The following SEMA6A variants were observed in gnomAD, a reference collection of about 807,000 sequenced individuals.
The protein encoded by SEMA6A is semaphorin-6A.
In SEMA6A, 25 loss-of-function variants were observed where a neutral mutation model predicts 96.8. That is an observed-to-expected ratio of 0.26 (90% CI 0.19 to 0.36). The LOEUF (loss-of-function observed/expected upper bound fraction) is 0.36. SEMA6A is among the 10% of genes least tolerant of loss of function. The pLI is 1.00. For synonymous variants in SEMA6A, 612 were observed against 518.0 expected, an observed-to-expected ratio of 1.18 and a Z score of -2.46; for missense variants, 1,363 against 1,323.1, an observed-to-expected ratio of 1.03 and a Z score of -0.47.
At position 116,478,628 on chromosome 5, in the gene SEMA6A, G is replaced by C; in HGVS notation, c.1341C>G (p.Ile447Met). ...TTCCTATTCTGGCCAAAAACTTCAA[G>C]ATGATTCCCTTCTCTGATCCCAGAA... Reference protein sequence around the residue: ...VVFLGSEKGIILKFLARIGNS... With the variant: ...VVFLGSEKGIMLKFLARIGNS... The change falls in exon 13 of 19, where the codon ATC (isoleucine) becomes ATG (methionine). Residue 447 changes from isoleucine (I) to methionine (M), a missense_variant. By Grantham distance (10) the Ile-to-Met change is conservative. Transcript: ENST00000343348. 1 of 1,613,606 alleles carries C rather than the reference G, an allele frequency of 6.2e-7. No individual in the cohort carries two copies. The highest frequency in any genetic ancestry group is 1.3e-5 in the African/African-American group (1 of 75,008).
chr5:116,542,856 G>T (rs1443106943), intron 1 of SEMA6A, among the ~76,000 whole-genome samples: 3 of 152,132 alleles, frequency 2.0e-5, no homozygotes, highest in Non-Finnish European at 4.4e-5. Flanking sequence ...CACTTCCCCG[G>T]CCTGGCAATC....
chr5:116,496,391 G>A, intron 4 of SEMA6A, 78 bp from the exon 5 acceptor site: 2 of 1,193,704 alleles, frequency 1.7e-6, no homozygotes, highest in East Asian at 2.4e-5. Flanking sequence ...TTCCCTTGGG[G>A]AGACTAAAGG....
At position 116,447,557 on chromosome 5, in the gene SEMA6A, G is replaced by C. The variant is rs367845573; in HGVS notation, c.2149C>G (p.Pro717Ala). Residue 717 changes from proline (P) to alanine (A), a missense_variant, in exon 19 of 19, where the codon CCA (proline) becomes GCA (alanine). Around this residue, in one of 2 missense-constraint regions of SEMA6A, gnomAD observed 883 missense variants for 763.6 expected, o/e 1.16. Transcript: ENST00000343348. ...GGCGTGAGGATGGCCTCCGGCTTTG[G>C]GTCTTTGGATTGAGTGTCCCCAAAG... ...GLFGDTQSKD[P>A]KPEAILTPLM... 4 of 1,613,942 alleles carry C rather than the reference G, an allele frequency of 2.5e-6. No individual in the cohort carries two copies. The African/African-American group carries it at 5.3e-5, about 22-fold the overall frequency.
intron 18 of SEMA6A, among the ~76,000 whole-genome samples, chr5:116,466,572 T>C (rs1038814832): frequency 2.0e-5 from 3 of 151,982 alleles, no homozygotes; most frequent in Admixed American, 1.3e-4. Flanking sequence ...CAGATGAAAA[T>C]GTAGCCTGAG....
At chr5:116,498,811 A>G (rs1156815513) in intron 3 of SEMA6A, 2 of 152,194 alleles carry the variant, frequency 1.3e-5, no homozygotes, top group East Asian at 3.8e-4. Context: ...CAGGTTTGAG[A>G]TGACTCGAGG....
intron 18 of SEMA6A, among the ~76,000 whole-genome samples, chr5:116,453,201 T>G (rs1754759866): frequency 6.6e-6 from 1 of 152,148 alleles, no homozygotes; most frequent in African/African-American, 2.4e-5. Context: ...CCTTCCATAC[T>G]CAAGCTTGCT....
chr5:116,538,987 G>A (rs554473648), intron 1 of SEMA6A, among the ~76,000 whole-genome samples: 1 of 152,196 alleles, frequency 6.6e-6, no homozygotes, highest in Non-Finnish European at 1.5e-5. Context: ...ATTTTTCACT[G>A]GAAGTAATTC....
At chr5:116,479,660 A>G (rs1756650232) in intron 12 of SEMA6A, among the ~76,000 whole-genome samples, 1 of 152,296 alleles carries the variant, frequency 6.6e-6, no homozygotes, top group South Asian at 2.1e-4. Flanking sequence ...ACCAGTTCAG[A>G]AAAAGAATAT....
At chr5:116,532,441 T>A (rs7711559) in intron 1 of SEMA6A, among the ~76,000 whole-genome samples, 2,801 of 152,322 alleles carry the variant, frequency 0.018, 31 homozygotes, top group Middle Eastern at 0.031. Context: ...CAGACAAATG[T>A]AACTCCATGT....
chr5:116,516,127 G>A (rs1253388358), intron 1 of SEMA6A, among the ~76,000 whole-genome samples: 3 of 152,068 alleles, frequency 2.0e-5, no homozygotes, highest in Non-Finnish European at 2.9e-5. Flanking sequence ...TGCTTTCCCA[G>A]AACCCTGAAA....
intron 1 of SEMA6A, among the ~76,000 whole-genome samples, chr5:116,538,199 CAA>C (rs1207775799): frequency 6.6e-6 from 1 of 151,896 alleles, no homozygotes. Context: ...CAAAACAAAA[CAA>C]AACAAAACAC....
chr5:116,551,949 G>C (rs187083605), intron 1 of SEMA6A, among the ~76,000 whole-genome samples: 2 of 152,296 alleles, frequency 1.3e-5, no homozygotes, highest in East Asian at 3.9e-4. Flanking sequence ...CCAGATGTTT[G>C]TCACAAGGAT....
chr5:116,464,743 T>C lies in SEMA6A; in HGVS notation c.1894+2840A>G, dbSNP rs76950944. Among the ~76,000 whole-genome samples, 11 of 152,160 alleles carry C rather than the reference T, an allele frequency of 7.2e-5. 1 individual carries two copies. In the East Asian group the frequency reaches 2.1e-3, roughly 29 times the overall value. On this transcript the variant is annotated intron_variant, in intron 18 of 18. Coordinates refer to ENST00000343348, the MANE Select transcript of SEMA6A (RefSeq NM_020796.5). ...CAGGATTAAATCAAGACGAAAGACA[T>C]AGCAAGGAAAAGAAAGAAAAACGCA...
chr5:116,485,480 A>G (rs1310800547), intron 10 of SEMA6A, among the ~76,000 whole-genome samples: 3 of 152,240 alleles, frequency 2.0e-5, no homozygotes, highest in African/African-American at 7.2e-5. Context: ...AGATGTTTAA[A>G]GCTTACTTAT....
chr5:116,496,358 G>C (rs761816371), intron 4 of SEMA6A, 45 bp from the exon 5 acceptor site: 16 of 1,574,732 alleles, frequency 1.0e-5, no homozygotes, highest in African/African-American at 1.4e-5. Context: ...AGAGGTTGTT[G>C]CGTTTGATTT....
At position 116,543,060 on chromosome 5, in the gene SEMA6A, C is replaced by T. The variant is rs6877569; in HGVS notation, c.-39+31125G>A. Among the ~76,000 whole-genome samples the T allele has an allele frequency of 7.3e-3, 1,113 of 152,206 alleles. 14 individuals are homozygous for T. Among genetic ancestry groups the T allele is most frequent in the African/African-American group, 0.025 (1,036 of 41,514 alleles). On this transcript the variant is annotated intron_variant, in intron 1 of 18. Transcript: ENST00000343348. Reference sequence around the variant, plus strand: ...GTTGAAGAATTTTTTTTCTTCTAAGCTCATAAAATAGTAGCTTTTCTCTTT... The same window carrying T: ...GTTGAAGAATTTTTTTTCTTCTAAGTTCATAAAATAGTAGCTTTTCTCTTT...
intron 10 of SEMA6A, among the ~76,000 whole-genome samples, chr5:116,484,898 G>C (rs1250207164): frequency 1.3e-5 from 2 of 152,176 alleles, no homozygotes; most frequent in African/African-American, 4.8e-5. Flanking sequence ...GGATGGGAGG[G>C]GATGAACTAG....
chr5:116,542,432 T>C (rs928315106), intron 1 of SEMA6A, among the ~76,000 whole-genome samples: 5 of 152,234 alleles, frequency 3.3e-5, no homozygotes, highest in African/African-American at 1.2e-4. Context: ...ATATCATTTT[T>C]AATACCCTTT....
intron 1 of SEMA6A, among the ~76,000 whole-genome samples, chr5:116,509,030 G>A (rs571455381): frequency 5.1e-4 from 77 of 152,160 alleles, no homozygotes; most frequent in Non-Finnish European, 9.1e-4. Context: ...TTAGAGACCC[G>A]GCTGGGCTGC....
Sources: allele counts gnomAD v4.1 joint callset (sites outside exome capture counted in the v4.1 genomes callset), GRCh38; gene constraint gnomAD v4.1.1; regional missense constraint gnomAD v4.1.1; transcripts MANE v1.5; gene names NCBI Gene and HGNC (gene_info 2026-07-23, HGNC 2026-07-21).